ZC3H13: variants seen among roughly 807,000 people sequenced by gnomAD.
The protein encoded by ZC3H13 is zinc finger CCCH-type containing 13.
In ZC3H13, 64 loss-of-function variants were observed where a neutral mutation model predicts 204.1. That is an observed-to-expected ratio of 0.31 (90% confidence interval 0.26 to 0.39). The LOEUF is 0.39. ZC3H13 is among the 10% of genes least tolerant of loss of function. The probability of loss-of-function intolerance (pLI) is 1.00; values close to 1 mark genes in which losing one functional copy is unlikely to be tolerated. For synonymous variants in ZC3H13, 667 were observed against 693.7 expected, an observed-to-expected ratio of 0.96 and a Z score of 0.60; for missense variants, 1,833 against 2,082.7, an observed-to-expected ratio of 0.88 and a Z score of 2.33.
At chr13:46,035,937 TCAGTGC>T (rs573072359) in intron 4 of ZC3H13, among the ~76,000 whole-genome samples, 31 of 152,100 alleles carry the variant, frequency 2.0e-4, no homozygotes, top group South Asian at 1.0e-3. Context: ...TCCTCTAGAG[TCAGTGC>T]CATTTTTTTT....
intron 11 of ZC3H13, chr13:45,976,252 G>A: frequency 1.0e-6 from 1 of 985,220 alleles, no homozygotes; most frequent in Non-Finnish European, 1.2e-6. Context: ...AGCAGGAGGT[G>A]TAGAACATAG....
chr13:46,010,616 C>G (rs866347318), intron 6 of ZC3H13, 111 bp from the exon 7 acceptor site: 4 of 1,186,468 alleles, frequency 3.4e-6, no homozygotes, highest in Non-Finnish European at 4.7e-6. Context: ...AATATTATTG[C>G]CGGGTGCAGT....
intron 3 of ZC3H13, 66 bp from the exon 4 acceptor site, chr13:46,042,341 A>G: frequency 3.9e-6 from 4 of 1,012,908 alleles, no homozygotes; most frequent in Non-Finnish European, 5.8e-6. Flanking sequence ...GTATTTATAT[A>G]TTAATAACAT....
chr13:45,975,941 G>C, intron 11 of ZC3H13, 103 bp from the exon 12 acceptor site: 1 of 1,441,902 alleles, frequency 6.9e-7, no homozygotes, highest in Non-Finnish European at 9.1e-7. Flanking sequence ...GGTCACACTG[G>C]CAACAAATTA....
At chr13:46,020,700 T>C in intron 4 of ZC3H13, 143 bp from the exon 5 acceptor site, 3 of 587,784 alleles carry the variant, frequency 5.1e-6, no homozygotes, top group African/African-American at 1.9e-5. Context: ...ATCCACTAAG[T>C]AGAGAAAGTG....
Position 45,963,901 on chromosome 13 carries a change from C to T in ZC3H13, c.4616G>A (p.Gly1539Asp), listed in dbSNP as rs1336852496. ...LRVGISKKLA[G>D]SELFAKVKET... The stretch of plus-strand genomic sequence containing the variant: ...TTTGACTTTGGCAAAGAGTTCAGAA[C>T]CTGCCAACTTTTTAGAAATCCCAAC... Residue 1539 changes from glycine to aspartate, a missense_variant, in exon 17 of 19, where the codon GGT (glycine) becomes GAT (aspartate). Physicochemically the swap from Gly to Asp is moderately conservative, Grantham distance 94. This residue lies in a region of ZC3H13 where 211 missense variants were observed against 228.4 expected (regional missense o/e 0.92). Coordinates refer to ENST00000679008, the MANE Select transcript of ZC3H13 (RefSeq NM_001330564.2). 8 of 1,614,052 alleles carry T rather than the reference C, an allele frequency of 5.0e-6. No homozygotes were observed. In the East Asian group the frequency reaches 1.8e-4, roughly 36 times the overall value.
At chr13:45,984,358 G>C (rs1953983984) in intron 10 of ZC3H13, among the ~76,000 whole-genome samples, 1 of 151,876 alleles carries the variant, frequency 6.6e-6, no homozygotes, top group South Asian at 2.1e-4. Context: ...TCAAAATTTT[G>C]AACCATGTAA....
At chr13:46,016,513 G>A (rs2041918072) in intron 5 of ZC3H13, among the ~76,000 whole-genome samples, 1 of 152,164 alleles carries the variant, frequency 6.6e-6, no homozygotes, top group Non-Finnish European at 1.5e-5. Flanking sequence ...TTTATATGGA[G>A]CTCAAACACA....
chr13:45,986,916 C>G (rs185653941), intron 9 of ZC3H13, among the ~76,000 whole-genome samples: 53 of 152,308 alleles, frequency 3.5e-4, no homozygotes, highest in South Asian at 4.1e-4. Flanking sequence ...CTATCTCCCC[C>G]ACCAATTCCT....
At chr13:46,031,160 AC>A (rs1317126957) in intron 4 of ZC3H13, among the ~76,000 whole-genome samples, 38 of 152,240 alleles carry the variant, frequency 2.5e-4, no homozygotes, top group African/African-American at 8.9e-4. Context: ...AAGAAGCAAA[AC>A]CAATTCAATG....
intron 8 of ZC3H13, among the ~76,000 whole-genome samples, chr13:45,990,951 A>G (rs1159999717): frequency 1.3e-5 from 2 of 152,090 alleles, no homozygotes; most frequent in African/African-American, 4.8e-5. Context: ...CTACAGGCAC[A>G]TGCCACCACA....
At chr13:46,014,777 AAC>A (rs1302449353) in intron 5 of ZC3H13, among the ~76,000 whole-genome samples, 1 of 152,190 alleles carries the variant, frequency 6.6e-6, no homozygotes, top group African/African-American at 2.4e-5. Context: ...TAACACTGCT[AAC>A]AGTTTAGTGT....
At position 45,959,610 on chromosome 13, in the gene ZC3H13, A is replaced by G. The variant is rs1236700472; in HGVS notation, c.4712T>C (p.Leu1571Pro). The change falls in exon 18 of 19, where the codon CTC becomes CCC. Residue 1571 changes from leucine (L) to proline (P), a missense_variant. Physicochemically the swap from Leu to Pro is moderately conservative, Grantham distance 98 (BLOSUM62 -3). Coordinates refer to ENST00000679008, the MANE Select transcript of ZC3H13 (RefSeq NM_001330564.2). Reference protein sequence around the residue: ...DNLFEHELGALNMAALLRKEE... With the variant: ...DNLFEHELGAPNMAALLRKEE... ...TTTTCGTAGTAATGCAGCCATATTG[A>G]GAGCCCCCAATTCATGTTCAAAGAG... The G allele has an allele frequency of 1.3e-6, 2 of 1,543,912 alleles. No homozygotes were observed. The highest frequency in any genetic ancestry group is 1.7e-6 in the Non-Finnish European group (2 of 1,144,306).
chr13:46,016,783 G>A (rs2041934820), intron 5 of ZC3H13, among the ~76,000 whole-genome samples: 1 of 152,026 alleles, frequency 6.6e-6, no homozygotes, highest in African/African-American at 2.4e-5. Context: ...TTAAAGTGGG[G>A]GATTAATTAG....
In ZC3H13 at chr13:45,975,684, C is replaced by A; in HGVS notation, c.2067G>T (p.Arg689=). The A allele has an allele frequency of 6.2e-7, 1 of 1,612,456 alleles. No individual in the cohort carries two copies. The highest frequency in any genetic ancestry group is 8.5e-7 in the Non-Finnish European group (1 of 1,179,220). The change falls in exon 12 of 19, where the codon CGG becomes CGT. Residue 689 remains arginine, a synonymous_variant. Transcript: ENST00000679008. ...RDRERERDRE[R]ERERERERDR... ...CCCGTTCACGTTCCCTCTCTCTCTC[C>A]CGCTCCCTGTCTCGTTCTCGTTCCC...
rs1440550056 is a variant in ZC3H13 at position 45,957,914 on chromosome 13, T to C, written c.4840-617A>G. Among the ~76,000 whole-genome samples the C allele has an allele frequency of 2.0e-5, 3 of 152,206 alleles. No homozygotes were observed. In the East Asian group the frequency reaches 5.8e-4, roughly 29 times the overall value. On this transcript the variant is annotated intron_variant, in intron 18 of 18. Coordinates refer to ENST00000679008, the MANE Select transcript of ZC3H13 (RefSeq NM_001330564.2). The stretch of plus-strand genomic sequence containing the variant: ...TACCTCCCTTATACTAAAATATGTA[T>C]CTATATTATTGTGACTTAAAGTTAC...
chr13:45,987,096 G>A (rs1201213608), intron 9 of ZC3H13, among the ~76,000 whole-genome samples: 3 of 151,930 alleles, frequency 2.0e-5, no homozygotes, highest in Non-Finnish European at 2.9e-5. Context: ...CTCATGATGC[G>A]CCCATCTGTC....
chr13:46,046,868 T>C (rs188871547), intron 1 of ZC3H13, among the ~76,000 whole-genome samples: 3 of 152,122 alleles, frequency 2.0e-5, no homozygotes, highest in Admixed American at 6.5e-5. Context: ...GAGCATACAC[T>C]ACTGTGGGAA....
chr13:46,044,892 A>G, intron 3 of ZC3H13, 63 bp downstream of exon 3: 2 of 1,200,838 alleles, frequency 1.7e-6, no homozygotes, highest in Non-Finnish European at 2.3e-6. Context: ...AGATTTTTAT[A>G]CTAGATAAAT....
Sources: gnomAD v4.1 joint callset for allele counts (sites outside exome capture counted in the v4.1 genomes callset) on GRCh38, gnomAD v4.1.1 for gene constraint, gnomAD v4.1.1 regional missense constraint, MANE v1.5 for transcripts, NCBI Gene and HGNC (gene_info 2026-07-23, HGNC 2026-07-21) for gene names.